Variants in PODXL observed in about 807,000 individuals in gnomAD.
PODXL encodes the protein podocalyxin.
Under a neutral mutation model 48.9 loss-of-function variants are expected in PODXL, and 20 were observed. That is an observed-to-expected ratio of 0.41 (90% CI 0.29 to 0.59). The LOEUF is 0.59. Among genes scored for constraint, PODXL ranks in the 20% least tolerant of loss-of-function variants. The pLI is 0.31. For missense variants in PODXL, 606 were observed against 675.1 expected (o/e 0.90, Z 1.13); for synonymous variants, 295 against 287.4 (o/e 1.03, Z -0.27).
At chr7:131,506,377 A>T (rs1397754980) in intron 6 of PODXL, 56 bp from the exon 7 acceptor site, 17 of 1,566,574 alleles carry the variant, frequency 1.1e-5, no homozygotes, top group Non-Finnish European at 1.5e-5. Flanking sequence ...GCAGTGGGGG[A>T]CGGGGACTGC....
intron 1 of PODXL, among the ~76,000 whole-genome samples, chr7:131,525,228 C>A (rs1798162168): frequency 6.6e-6 from 1 of 151,926 alleles, no homozygotes. Flanking sequence ...GAAAAATAAT[C>A]ATCTCAGATG....
chr7:131,542,416 G>A (rs1215245628), intron 1 of PODXL, among the ~76,000 whole-genome samples: 1 of 152,216 alleles, frequency 6.6e-6, no homozygotes, highest in Non-Finnish European at 1.5e-5. Flanking sequence ...AGCACTTTGG[G>A]AGGCTGAGGC....
At chr7:131,547,755 C>T (rs1432825830) in intron 1 of PODXL, among the ~76,000 whole-genome samples, 2 of 152,204 alleles carry the variant, frequency 1.3e-5, no homozygotes, top group Non-Finnish European at 2.9e-5. Flanking sequence ...TCTTAATTTT[C>T]CTCTCCAGGT....
At chr7:131,545,281 C>T (rs1798555854) in intron 1 of PODXL, among the ~76,000 whole-genome samples, 1 of 152,246 alleles carries the variant, frequency 6.6e-6, no homozygotes, top group African/African-American at 2.4e-5. Context: ...CTGGGGCAAG[C>T]AGCCTTCAAA....
chr7:131,510,103 G>A, intron 3 of PODXL, 133 bp downstream of exon 3: 1 of 367,822 alleles, frequency 2.7e-6, no homozygotes, highest in South Asian at 2.0e-5. Context: ...ACAGGTCTGA[G>A]ATGGGCCATG....
intron 1 of PODXL, among the ~76,000 whole-genome samples, chr7:131,546,799 G>A (rs1444840329): frequency 6.6e-6 from 1 of 152,030 alleles, no homozygotes; most frequent in Non-Finnish European, 1.5e-5. Context: ...TGCCCCCTAG[G>A]GGTGAGCTGA....
chr7:131,509,460 G>A lies in PODXL; in HGVS notation c.928C>T (p.Leu310=). The A allele has an allele frequency of 6.2e-7, 1 of 1,614,080 alleles. No homozygotes were observed. The highest frequency in any genetic ancestry group is 8.5e-7 in the Non-Finnish European group (1 of 1,179,984). Residue 310 remains leucine, a synonymous_variant, in exon 4 of 9, where the codon CTG becomes TTG. Transcript: ENST00000378555. ...GGGCTGGAGCTCATGGTCTCTGGCA[G>A]GGTAGGTGTTCTCAATGCCGTTGCC... ...SPATALRTPT[L]PETMSSSPTA... is the part of the protein sequence containing the mutation.
At chr7:131,542,894 T>C (rs894452733) in intron 1 of PODXL, among the ~76,000 whole-genome samples, 5 of 152,076 alleles carry the variant, frequency 3.3e-5, no homozygotes. Flanking sequence ...AGCTGTCACC[T>C]TTCTTGTTTT....
At chr7:131,547,307 A>T (rs1185964339) in intron 1 of PODXL, among the ~76,000 whole-genome samples, 2 of 131,234 alleles carry the variant, frequency 1.5e-5, no homozygotes, top group East Asian at 5.0e-4. Context: ...CGGGAGGCGG[A>T]GGTAGTGGTG....
At chr7:131,535,887 G>A (rs779494485) in intron 1 of PODXL, among the ~76,000 whole-genome samples, 7 of 152,036 alleles carry the variant, frequency 4.6e-5, no homozygotes, top group Non-Finnish European at 1.0e-4. Context: ...TCAGCCTCCC[G>A]AGTAGCTAGG....
At position 131,503,469 on chromosome 7, in the gene PODXL, A is replaced by G. The variant is rs1245352585; in HGVS notation, c.*842T>C. ...CCAGTGTTCCTGCTGACCCCTCATC[A>G]GCTGCCCTGAGATACCAGCCTGGAC... On this transcript the variant is annotated 3_prime_UTR_variant, in exon 9 of 9. Transcript: ENST00000378555. 1 of 152,282 alleles carries G rather than the reference A, an allele frequency of 6.6e-6. No homozygotes were observed. The highest frequency in any genetic ancestry group is 6.5e-5 in the Admixed American group (1 of 15,282). The allele number at this position is 152,282 out of a possible 1,614,324, so 9.4% of individuals were successfully genotyped here. A position where few individuals can be genotyped will look rare whatever the true frequency, so the allele number is the denominator to read the frequency against.
In PODXL at chr7:131,511,380, T is replaced by C. The variant is rs370935693; in HGVS notation, c.154A>G (p.Ser52Gly). Residue 52 changes from serine (S) to glycine (G), a missense_variant, in exon 2 of 9, where the codon AGT becomes GGT. Ser to Gly is a moderately conservative substitution (Grantham distance 56). Coordinates refer to ENST00000378555, the MANE Select transcript of PODXL (RefSeq NM_001018111.3). ...SNKTAPTPASSVTIMATDTAQ... is the reference protein window; with the variant it reads ...SNKTAPTPASGVTIMATDTAQ... ...GTATCTGTAGCCATGATGGTGACAC[T>C]GGATGCTGGAGTCGGTGCTGTTTTG... 6.2e-7 allele frequency: 1 copy of C among 1,607,050 alleles called. No homozygotes were observed. The highest frequency in any genetic ancestry group is 1.7e-5 in the Admixed American group (1 of 60,026).
chr7:131,504,551 G>A (rs771544529), intron 8 of PODXL, 43 bp from the exon 9 acceptor site: 1 of 1,545,708 alleles, frequency 6.5e-7, no homozygotes. Context: ...GTTTCAGAGG[G>A]CTCTGAGCTT....
Position 131,525,206 on chromosome 7 carries a change from A to C in PODXL, c.101-13773T>G, listed in dbSNP as rs141455589. Among the ~76,000 whole-genome samples the C allele has an allele frequency of 8.0e-3, 1,216 of 152,244 alleles. 8 individuals are homozygous for C. Among genetic ancestry groups the C allele is most frequent in the Non-Finnish European group, 0.011 (762 of 68,022 alleles). ...CGTACTCCAAGAATTAACTTTACTTAATGTCAATTTAGAAAAATAATCATC... is the reference window on the plus strand; with the variant it reads ...CGTACTCCAAGAATTAACTTTACTTCATGTCAATTTAGAAAAATAATCATC... On this transcript the variant is annotated intron_variant, in intron 1 of 8. Coordinates refer to ENST00000378555, the MANE Select transcript of PODXL (RefSeq NM_001018111.3).
At chr7:131,523,479 G>A (rs573356127) in intron 1 of PODXL, among the ~76,000 whole-genome samples, 8 of 151,890 alleles carry the variant, frequency 5.3e-5, no homozygotes, top group East Asian at 2.0e-4. Context: ...TCAGGAGATC[G>A]AGACCATCCT....
intron 1 of PODXL, among the ~76,000 whole-genome samples, chr7:131,521,801 G>C (rs969926732): frequency 3.3e-5 from 5 of 152,188 alleles, no homozygotes; most frequent in African/African-American, 1.2e-4. Flanking sequence ...ACCCTTGCGG[G>C]TGGGGCTGGC....
chr7:131,546,529 C>A (rs1000816750), intron 1 of PODXL, among the ~76,000 whole-genome samples: 1 of 151,892 alleles, frequency 6.6e-6, no homozygotes, highest in Non-Finnish European at 1.5e-5. Context: ...AATTCAAGAC[C>A]AGCCTGGCCA....
chr7:131,546,764 C>T (rs77131837), intron 1 of PODXL, among the ~76,000 whole-genome samples: 8,600 of 144,906 alleles, frequency 0.059, 309 homozygotes, highest in Middle Eastern at 0.15. Flanking sequence ...TCTGTTTTGA[C>T]TCAAAGCCCC....
At chr7:131,510,709 T>A in intron 2 of PODXL, 119 bp downstream of exon 2, 1 of 1,170,268 alleles carries the variant, frequency 8.5e-7, no homozygotes, top group East Asian at 2.5e-5. Context: ...TGACCTCAGG[T>A]GATCCACCTG....
Sources: gnomAD v4.1 joint callset for allele counts (sites outside exome capture counted in the v4.1 genomes callset) on GRCh38, gnomAD v4.1.1 for gene constraint, MANE v1.5 for transcripts, NCBI Gene and HGNC (gene_info 2026-07-23, HGNC 2026-07-21) for gene names.